Variants in ST6GALNAC3 observed in about 807,000 individuals in gnomAD.
ST6GALNAC3 encodes the protein alpha-N-acetylgalactosaminide alpha-2,6-sialyltransferase 3.
A neutral mutation model predicts 32.7 loss-of-function variants in ST6GALNAC3; 25 were observed. That is an observed-to-expected ratio of 0.76 (90% CI 0.56 to 1.07). The LOEUF is 1.07. Ranked by LOEUF, ST6GALNAC3 falls within the 50% of genes least tolerant of loss-of-function variation. The pLI is 0.00. For missense variants in ST6GALNAC3, 355 were observed against 382.4 expected, an observed-to-expected ratio of 0.93 and a Z score of 0.60; for synonymous variants, 129 against 133.1, an observed-to-expected ratio of 0.97 and a Z score of 0.21.
intron 2 of ST6GALNAC3, among the ~76,000 whole-genome samples, chr1:76,387,965 C>A (rs996724468): frequency 1.3e-5 from 2 of 152,084 alleles, no homozygotes; most frequent in African/African-American, 4.8e-5. Flanking sequence ...AGGTGAGTCT[C>A]CGGTGGACTC....
At position 76,504,694 on chromosome 1, in the gene ST6GALNAC3, A is replaced by C. The variant is rs1157912943; in HGVS notation, c.623+92277A>C. Among the ~76,000 whole-genome samples, 3 of 152,094 alleles carry C rather than the reference A, an allele frequency of 2.0e-5. No homozygotes were observed. In the East Asian group the frequency reaches 5.8e-4, roughly 29 times the overall value. ...TAGAGTCTTAGATTTGAAAGAACCT[A>C]ATGTGTTCTTTGGCCCTGGAATGTG... On this transcript the variant is annotated intron_variant, in intron 3 of 4. Transcript: ENST00000328299.
rs750605153 is a variant in ST6GALNAC3 at position 76,628,601 on chromosome 1, CTTTT to C, written c.732-13_732-10del. The C allele has an allele frequency of 1.3e-6, 2 of 1,541,688 alleles. No homozygotes were observed. Among genetic ancestry groups the C allele is most frequent in the African/African-American group, 2.8e-5 (2 of 71,252 alleles). ...TTCATCTCAATCTTTCTCTCCTTTTCTTTTTTTTTCTTTTCTAGGACAGAAGGGT... is the reference window on the plus strand; with the variant it reads ...TTCATCTCAATCTTTCTCTCCTTTTCTTTTTCTTTTCTAGGACAGAAGGGT... On this transcript the variant is annotated splice_polypyrimidine_tract_variant and intron_variant, in intron 4 of 4. Transcript: ENST00000328299.
At chr1:76,483,628 T>G (rs1346830670) in intron 3 of ST6GALNAC3, among the ~76,000 whole-genome samples, 3 of 152,186 alleles carry the variant, frequency 2.0e-5, no homozygotes, top group Non-Finnish European at 4.4e-5. Context: ...TTAGCCCTTT[T>G]TCAGATAAGT....
chr1:76,079,917 G>T (rs1246605331), intron 1 of ST6GALNAC3, among the ~76,000 whole-genome samples: 1 of 152,178 alleles, frequency 6.6e-6, no homozygotes, highest in East Asian at 1.9e-4. Context: ...CTTAGTTCTT[G>T]TCCCTGTAGT....
intron 3 of ST6GALNAC3, among the ~76,000 whole-genome samples, chr1:76,437,061 A>G (rs750974886): frequency 3.9e-5 from 6 of 152,072 alleles, no homozygotes; most frequent in Non-Finnish European, 8.8e-5. Flanking sequence ...AGGGTTTTTA[A>G]AACTCCTGTG....
intron 3 of ST6GALNAC3, among the ~76,000 whole-genome samples, chr1:76,582,374 C>T (rs1646904436): frequency 6.6e-6 from 1 of 152,142 alleles, no homozygotes; most frequent in African/African-American, 2.4e-5. Flanking sequence ...GAAAAGCAAG[C>T]ATTCCAAGAA....
intron 1 of ST6GALNAC3, among the ~76,000 whole-genome samples, chr1:76,196,085 T>G (rs1027570881): frequency 1.3e-5 from 2 of 152,220 alleles, no homozygotes; most frequent in Non-Finnish European, 2.9e-5. Flanking sequence ...AGTATTATTA[T>G]TGTGTGAATT....
chr1:76,463,035 T>TA (rs1025560825), intron 3 of ST6GALNAC3, among the ~76,000 whole-genome samples: 4 of 152,190 alleles, frequency 2.6e-5, no homozygotes, highest in African/African-American at 9.6e-5. Flanking sequence ...TTATATTTTG[T>TA]AAAAGCTATT....
chr1:76,274,346 G>A (rs1659020326), intron 1 of ST6GALNAC3, among the ~76,000 whole-genome samples: 1 of 152,066 alleles, frequency 6.6e-6, no homozygotes, highest in Admixed American at 6.6e-5. Flanking sequence ...GGATGTTAGA[G>A]AACCCAACTC....
chr1:76,270,698 C>T (rs1206377365), intron 1 of ST6GALNAC3, among the ~76,000 whole-genome samples: 2 of 151,894 alleles, frequency 1.3e-5, no homozygotes, highest in East Asian at 1.9e-4. Context: ...ATGACAGGGC[C>T]GGGAGAGGGA....
intron 1 of ST6GALNAC3, among the ~76,000 whole-genome samples, chr1:76,244,759 A>G (rs930270011): frequency 6.6e-6 from 1 of 152,150 alleles, no homozygotes; most frequent in African/African-American, 2.4e-5. Context: ...TGATTAGCGC[A>G]TGTTGAACCA....
chr1:76,105,216 A>G (rs375333696), intron 1 of ST6GALNAC3, among the ~76,000 whole-genome samples: 1 of 470 alleles, frequency 2.1e-3, no homozygotes, highest in East Asian at 0.17. Context: ...TTTTGTCACA[A>G]TTTGCATGGA....
chr1:76,534,079 G>C (rs1257368516), intron 3 of ST6GALNAC3, among the ~76,000 whole-genome samples: 1 of 151,828 alleles, frequency 6.6e-6, no homozygotes, highest in Non-Finnish European at 1.5e-5. Flanking sequence ...GTCTCACTCT[G>C]TTGCCCAGGC....
At chr1:76,531,089 G>A (rs1463310457) in intron 3 of ST6GALNAC3, among the ~76,000 whole-genome samples, 1 of 152,198 alleles carries the variant, frequency 6.6e-6, no homozygotes, top group Non-Finnish European at 1.5e-5. Context: ...CCTCAAGGGT[G>A]GCTGTCTGCT....
intron 1 of ST6GALNAC3, among the ~76,000 whole-genome samples, chr1:76,143,168 G>A (rs1650440912): frequency 6.6e-6 from 1 of 152,098 alleles, no homozygotes; most frequent in Non-Finnish European, 1.5e-5. Flanking sequence ...ATGGATCTTG[G>A]CAGTAAAGGG....
At chr1:76,511,045 C>T (rs911252360) in intron 3 of ST6GALNAC3, among the ~76,000 whole-genome samples, 2 of 152,124 alleles carry the variant, frequency 1.3e-5, no homozygotes, top group African/African-American at 2.4e-5. Context: ...ATTGGCTTCC[C>T]AGATGGGGTT....
intron 2 of ST6GALNAC3, among the ~76,000 whole-genome samples, chr1:76,387,418 C>A (rs1207284518): frequency 2.0e-5 from 3 of 152,054 alleles, no homozygotes; most frequent in African/African-American, 7.2e-5. Flanking sequence ...AATTTCATAT[C>A]TTTGTTATCT....
chr1:76,408,128 T>C (rs1226050414), intron 2 of ST6GALNAC3, among the ~76,000 whole-genome samples: 2 of 152,134 alleles, frequency 1.3e-5, no homozygotes, highest in African/African-American at 2.4e-5. Flanking sequence ...GCAAGCTTTT[T>C]GTGCTACCTG....
At chr1:76,345,650 T>G (rs72675986) in intron 2 of ST6GALNAC3, among the ~76,000 whole-genome samples, 3 of 152,304 alleles carry the variant, frequency 2.0e-5, no homozygotes, top group Non-Finnish European at 4.4e-5. Flanking sequence ...ATGATCCTTT[T>G]GATTGAAGGC....
Sources: allele counts gnomAD v4.1 joint callset (sites outside exome capture counted in the v4.1 genomes callset), GRCh38; gene constraint gnomAD v4.1.1; transcripts MANE v1.5; gene names NCBI Gene and HGNC (gene_info 2026-07-23, HGNC 2026-07-21).